VRK2: variants seen among roughly 807,000 people sequenced by gnomAD.
The protein encoded by VRK2 is serine/threonine-protein kinase VRK2.
Under a neutral mutation model 57.6 loss-of-function variants are expected in VRK2, and 60 were observed. The ratio of observed to expected loss-of-function variants is 1.04; its 90% CI spans 0.85 to 1.29. The LOEUF (loss-of-function observed/expected upper bound fraction) is 1.29. Ranked by LOEUF, VRK2 falls within the 50% of genes most tolerant of loss-of-function variation. VRK2 has a pLI of 0.00. For synonymous variants in VRK2, 231 were observed against 199.2 expected, an observed-to-expected ratio of 1.16 and a Z score of -1.35; for missense variants, 705 against 588.1, an observed-to-expected ratio of 1.20 and a Z score of -2.06.
In VRK2 at chr2:58,139,721, A is replaced by G. The variant is rs56343107; in HGVS notation, c.912A>G (p.Pro304=). 1.5e-5 allele frequency: 24 copies of G among 1,613,246 alleles called. No individual in the cohort carries two copies. Among genetic ancestry groups the G allele is most frequent in the Non-Finnish European group, 2.0e-5 (24 of 1,179,440 alleles). ...CAHSLAYDEK[P]NYQALKKILN... is the part of the protein sequence containing the mutation. ...ATAGTTTAGCATATGATGAAAAGCC[A>G]AACTATCAAGCCCTCAAGAAAATTT... Residue 304 remains proline (P), a synonymous_variant, in exon 11 of 13, where the codon CCA becomes CCG. Transcript: ENST00000340157.
intron 12 of VRK2, among the ~76,000 whole-genome samples, chr2:58,158,145 C>T (rs943866017): frequency 6.6e-6 from 1 of 150,586 alleles, no homozygotes; most frequent in East Asian, 1.9e-4. Context: ...CAGCCTTGCA[C>T]ATGTGAGCTA....
At chr2:58,137,065 TATATC>T (rs1305151948) in intron 10 of VRK2, among the ~76,000 whole-genome samples, 28 of 119,064 alleles carry the variant, frequency 2.4e-4, no homozygotes, top group South Asian at 2.0e-3. Context: ...GTATATATCA[TATATC>T]ATATATAACA....
At chr2:57,979,475 C>G (rs1356538297) in intron 1 of VRK2, among the ~76,000 whole-genome samples, 1 of 150,946 alleles carries the variant, frequency 6.6e-6, no homozygotes, top group Non-Finnish European at 1.5e-5. Context: ...CATCTATGTT[C>G]ACCAGGGATA....
chr2:57,998,125 C>T (rs189380744), intron 1 of VRK2, among the ~76,000 whole-genome samples: 1 of 152,162 alleles, frequency 6.6e-6, no homozygotes, highest in East Asian at 1.9e-4. Context: ...AAGACAGGAA[C>T]AAGCCAAAAG....
intron 3 of VRK2, among the ~76,000 whole-genome samples, chr2:58,038,561 T>C (rs538088210): frequency 3.9e-5 from 6 of 152,270 alleles, no homozygotes; most frequent in African/African-American, 1.4e-4. Context: ...ATTATTCTTA[T>C]CTGCCTAACA....
chr2:57,929,280 C>T (rs1381443605), intron 1 of VRK2, among the ~76,000 whole-genome samples: 1 of 152,142 alleles, frequency 6.6e-6, no homozygotes, highest in Non-Finnish European at 1.5e-5. Context: ...CGACAGAGTC[C>T]TTCTGACTTT....
intron 2 of VRK2, among the ~76,000 whole-genome samples, chr2:58,060,796 T>C (rs1364134943): frequency 6.6e-6 from 1 of 151,836 alleles, no homozygotes; most frequent in Non-Finnish European, 1.5e-5. Flanking sequence ...CAGTATTATT[T>C]AAGGAAGGGA....
intron 1 of VRK2, among the ~76,000 whole-genome samples, chr2:58,005,831 T>C (rs543796016): frequency 2.7e-4 from 41 of 152,242 alleles, no homozygotes; most frequent in Middle Eastern, 3.4e-3. Context: ...TGAGTCTTCT[T>C]TGACAGTAGA....
At chr2:58,118,210 G>T (rs1333581246) in intron 7 of VRK2, among the ~76,000 whole-genome samples, 9 of 152,180 alleles carry the variant, frequency 5.9e-5, no homozygotes, top group African/African-American at 2.2e-4. Context: ...GAAGGGGTTG[G>T]GGTACTTGCC....
intron 1 of VRK2, among the ~76,000 whole-genome samples, chr2:58,013,914 A>G (rs114721527): frequency 0.016 from 2,395 of 151,492 alleles, 70 homozygotes; most frequent in African/African-American, 0.055. Flanking sequence ...CAAACTGATT[A>G]AAATATTCAT....
chr2:57,934,919 T>A (rs1670856813), intron 1 of VRK2, among the ~76,000 whole-genome samples: 3 of 152,230 alleles, frequency 2.0e-5, no homozygotes, highest in Non-Finnish European at 2.9e-5. Flanking sequence ...CTGTTTGGCT[T>A]GTTTTGATGA....
chr2:57,910,559 A>G (rs933939040), intron 1 of VRK2, among the ~76,000 whole-genome samples: 1 of 152,090 alleles, frequency 6.6e-6, no homozygotes, highest in Non-Finnish European at 1.5e-5. Context: ...CGGCTTCTCT[A>G]TTTACTAAAT....
chr2:57,942,107 C>T (rs903774214), intron 1 of VRK2, among the ~76,000 whole-genome samples: 5 of 152,176 alleles, frequency 3.3e-5, no homozygotes, highest in African/African-American at 1.2e-4. Flanking sequence ...TAATGAAACA[C>T]ACTGTACGAA....
chr2:57,937,243 C>T (rs1572882099), intron 1 of VRK2, among the ~76,000 whole-genome samples: 1 of 152,118 alleles, frequency 6.6e-6, no homozygotes, highest in East Asian at 1.9e-4. Context: ...ACCTAGGATA[C>T]CCCATTTTTT....
chr2:58,111,436 G>T lies in VRK2; in HGVS notation c.544-11665G>T, dbSNP rs150448891. Among the ~76,000 whole-genome samples the T allele has an allele frequency of 5.9e-4, 90 of 152,208 alleles. 1 individual carries two copies. The highest frequency in any genetic ancestry group is 2.1e-3 in the African/African-American group (87 of 41,536). On this transcript the variant is annotated intron_variant, in intron 7 of 12. Transcript: ENST00000340157. ...AATGATGGCTACATTCAGAAAAAGT[G>T]CATAAAAGGACAATCATTTGAAATG...
rs374900111 is a variant in VRK2, at chr2:57,993,375, T to A, written c.-438-32290T>A. 9.2e-5 allele frequency among the ~76,000 whole-genome samples: 14 copies of A among 152,158 alleles called. 2 individuals carry two copies. The highest frequency in any genetic ancestry group is 6.5e-4 in the Admixed American group (10 of 15,288). Reference sequence around the variant, plus strand: ...ATTGATGGCATTTAAGAATCCCAAGTACAGTTACATTAGAATTAAATTGTG... The same window carrying A: ...ATTGATGGCATTTAAGAATCCCAAGAACAGTTACATTAGAATTAAATTGTG... On this transcript the variant is annotated intron_variant, in intron 1 of 15. Transcript: ENST00000417641.
At chr2:58,158,145 C>A (rs943866017) in intron 12 of VRK2, among the ~76,000 whole-genome samples, 1 of 150,586 alleles carries the variant, frequency 6.6e-6, no homozygotes, top group Non-Finnish European at 1.5e-5. Flanking sequence ...CAGCCTTGCA[C>A]ATGTGAGCTA....
chr2:58,049,216 A>C (rs565406001), intron 2 of VRK2, among the ~76,000 whole-genome samples: 2 of 152,312 alleles, frequency 1.3e-5, no homozygotes, highest in East Asian at 3.9e-4. Context: ...ACAATCTGCC[A>C]GACAAAATGC....
chr2:58,011,186 A>T (rs556775556), intron 1 of VRK2, among the ~76,000 whole-genome samples: 4 of 152,348 alleles, frequency 2.6e-5, no homozygotes, highest in African/African-American at 9.6e-5. Context: ...CTGAATTTGC[A>T]TTAAGAGCAG....
Sources: gnomAD v4.1 joint callset for allele counts (sites outside exome capture counted in the v4.1 genomes callset) on GRCh38, gnomAD v4.1.1 for gene constraint, MANE v1.5 for transcripts, NCBI Gene and HGNC (gene_info 2026-07-23, HGNC 2026-07-21) for gene names.